Variants in KIAA0825 observed in about 807,000 individuals in gnomAD.
KIAA0825 encodes the protein KIAA0825.
In KIAA0825, 119 loss-of-function variants were observed where a neutral mutation model predicts 147.6. The observed-to-expected ratio is 0.81, with a 90% CI of 0.69 to 0.94. The LOEUF (loss-of-function observed/expected upper bound fraction) is 0.94, where lower values mean the gene tolerates loss of function less well. Among genes scored for constraint, KIAA0825 ranks in the 40% least tolerant of loss-of-function variants. KIAA0825 has a pLI of 0.00. For missense variants in KIAA0825, 1,381 were observed against 1,472.7 expected (o/e 0.94, Z 1.02); for synonymous variants, 470 against 518.1 (o/e 0.91, Z 1.26).
chr5:94,409,103 T>C (rs1337927758), intron 15 of KIAA0825, among the ~76,000 whole-genome samples: 1 of 152,170 alleles, frequency 6.6e-6, no homozygotes, highest in Non-Finnish European at 1.5e-5. Flanking sequence ...GGGATGTTAT[T>C]TAGGAAATTA....
chr5:94,542,385 A>T lies in KIAA0825; in HGVS notation c.-1-5258T>A, dbSNP rs577335002. Among the ~76,000 whole-genome samples, 16 of 152,382 alleles carry T rather than the reference A, an allele frequency of 1.0e-4. No homozygotes were observed. In the South Asian group the frequency reaches 3.3e-3, roughly 32 times the overall value. ...TATTTATAGCTTTAAACAATTGAGT[A>T]AAGTATACTCCTGTGACCAAAATTT... On this transcript the variant is annotated intron_variant, in intron 2 of 20. Transcript: ENST00000682413.
At chr5:94,202,514 A>T (rs1278129517) in intron 20 of KIAA0825, among the ~76,000 whole-genome samples, 1 of 152,334 alleles carries the variant, frequency 6.6e-6, no homozygotes, top group South Asian at 2.1e-4. Flanking sequence ...CAGGAGGAAT[A>T]GGCTATTAAG....
chr5:94,464,816 C>A, intron 11 of KIAA0825, 53 bp downstream of exon 11: 2 of 1,470,696 alleles, frequency 1.4e-6, no homozygotes, highest in South Asian at 1.3e-5. Flanking sequence ...CTGCTTTATA[C>A]CAACTAATGA....
chr5:94,537,935 C>G (rs1286947868), intron 2 of KIAA0825, among the ~76,000 whole-genome samples: 1 of 152,190 alleles, frequency 6.6e-6, no homozygotes, highest in Non-Finnish European at 1.5e-5. Context: ...CACCCCTTGA[C>G]AACCTCAGCA....
intron 20 of KIAA0825, among the ~76,000 whole-genome samples, chr5:94,184,828 T>C (rs921389499): frequency 1.3e-5 from 2 of 152,208 alleles, no homozygotes; most frequent in African/African-American, 4.8e-5. Context: ...AGTTTGTACC[T>C]TCTGTACTTT....
intron 5 of KIAA0825, among the ~76,000 whole-genome samples, chr5:94,487,823 G>A (rs1337560352): frequency 1.3e-5 from 2 of 152,104 alleles, no homozygotes; most frequent in Non-Finnish European, 2.9e-5. Flanking sequence ...GCGTAGTGGC[G>A]TGAGCCTGTA....
intron 4 of KIAA0825, among the ~76,000 whole-genome samples, chr5:94,521,347 C>A (rs1768159335): frequency 1.3e-5 from 2 of 151,730 alleles, no homozygotes; most frequent in South Asian, 2.1e-4. Context: ...AATGAGTACA[C>A]TTATTATTAT....
Position 94,471,476 on chromosome 5 carries a change from TTTCC to T in KIAA0825, c.1707_1710del (p.Glu570Ter). 1 of 1,551,942 alleles carries T rather than the reference TTTCC, an allele frequency of 6.4e-7. No homozygotes were observed. Among genetic ancestry groups the T allele is most frequent in the South Asian group, 1.2e-5 (1 of 84,036 alleles). On this transcript the variant is annotated frameshift_variant, in exon 9 of 21. Transcript: ENST00000682413. LOFTEE classifies it high-confidence loss of function. ...TTAAACAACACTCACTTTTTAGTCA[TTTCC>T]TTCATCAAATTATCATATCGCTTGA... is the stretch of plus-strand genomic sequence containing the variant.
chr5:94,227,615 CA>C (rs1431914732), intron 20 of KIAA0825, among the ~76,000 whole-genome samples: 2 of 150,696 alleles, frequency 1.3e-5, no homozygotes, highest in African/African-American at 4.9e-5. Context: ...AAATATGGCG[CA>C]AATACACCAT....
At chr5:94,203,568 G>A (rs898383394) in intron 20 of KIAA0825, among the ~76,000 whole-genome samples, 5 of 152,090 alleles carry the variant, frequency 3.3e-5, no homozygotes, top group African/African-American at 1.2e-4. Flanking sequence ...CAATTAAACT[G>A]AGTAAAAACA....
At chr5:94,507,533 T>C (rs1336116503) in intron 5 of KIAA0825, among the ~76,000 whole-genome samples, 1 of 143,800 alleles carries the variant, frequency 7.0e-6, no homozygotes, top group African/African-American at 2.6e-5. Flanking sequence ...AGCAAAATGA[T>C]GGTTAAGAAA....
chr5:94,432,433 G>A (rs1264090631), intron 14 of KIAA0825, among the ~76,000 whole-genome samples: 1 of 152,110 alleles, frequency 6.6e-6, no homozygotes, highest in Non-Finnish European at 1.5e-5. Flanking sequence ...CCCTCATGAA[G>A]TCTCAAAAGA....
intron 2 of KIAA0825, among the ~76,000 whole-genome samples, chr5:94,562,869 G>A (rs1353059215): frequency 1.3e-5 from 2 of 152,142 alleles, no homozygotes; most frequent in East Asian, 3.8e-4. Flanking sequence ...ATAGACTGCA[G>A]GGGAGAAACT....
chr5:94,337,687 G>A (rs1175189133), intron 20 of KIAA0825, among the ~76,000 whole-genome samples: 22 of 152,160 alleles, frequency 1.4e-4, no homozygotes, highest in Non-Finnish European at 3.2e-4. Flanking sequence ...AGGCACCAAA[G>A]TGGGAAAGAG....
chr5:94,493,647 C>T (rs1467122226), intron 5 of KIAA0825, among the ~76,000 whole-genome samples: 4 of 152,126 alleles, frequency 2.6e-5, no homozygotes, highest in Non-Finnish European at 5.9e-5. Flanking sequence ...TGCCACCACG[C>T]CCGGCTAATT....
At chr5:94,303,548 T>C (rs1470635922) in intron 20 of KIAA0825, among the ~76,000 whole-genome samples, 1 of 152,018 alleles carries the variant, frequency 6.6e-6, no homozygotes, top group African/African-American at 2.4e-5. Flanking sequence ...TTTTAAATTG[T>C]GGAGTGGGAA....
intron 20 of KIAA0825, among the ~76,000 whole-genome samples, chr5:94,203,777 T>C (rs561674855): frequency 6.6e-6 from 1 of 152,296 alleles, no homozygotes; most frequent in Admixed American, 6.5e-5. Context: ...TATTTTATGC[T>C]AACAAACTTC....
At chr5:94,351,790 AT>A (rs1783700478) in intron 20 of KIAA0825, among the ~76,000 whole-genome samples, 2 of 151,878 alleles carry the variant, frequency 1.3e-5, no homozygotes, top group Admixed American at 1.3e-4. Flanking sequence ...AAGCCAACTG[AT>A]TTTCGACAAA....
intron 5 of KIAA0825, among the ~76,000 whole-genome samples, chr5:94,495,605 C>A (rs1350638192): frequency 6.6e-6 from 1 of 152,172 alleles, no homozygotes; most frequent in Non-Finnish European, 1.5e-5. Flanking sequence ...TCACCAGTCA[C>A]CATCAGCTCC....
Sources: allele counts gnomAD v4.1 joint callset (sites outside exome capture counted in the v4.1 genomes callset), GRCh38; gene constraint gnomAD v4.1.1; transcripts MANE v1.5; gene names NCBI Gene and HGNC (gene_info 2026-07-23, HGNC 2026-07-21).